Variants in ATPAF1 observed in about 807,000 individuals in gnomAD.
ATPAF1 encodes the protein homolog of yeast ATP11.
In ATPAF1, 26 loss-of-function variants were observed where a neutral mutation model predicts 43.9. That is an observed-to-expected ratio of 0.59 (90% CI 0.43 to 0.82). The LOEUF (loss-of-function observed/expected upper bound fraction) is 0.82. Among genes scored for constraint, ATPAF1 ranks in the 40% least tolerant of loss-of-function variants. The pLI, the probability that ATPAF1 is intolerant of heterozygous loss-of-function variation, is 0.00. For synonymous variants in ATPAF1, 157 were observed against 168.0 expected (o/e 0.93, Z 0.50); for missense variants, 366 against 435.0 (o/e 0.84, Z 1.41).
chr1:46,641,375 G>T (rs1230660898), intron 8 of ATPAF1, among the ~76,000 whole-genome samples: 1 of 151,912 alleles, frequency 6.6e-6, no homozygotes, highest in East Asian at 1.9e-4. Context: ...CACTGTCCCA[G>T]CCTCAACTGG....
intron 1 of ATPAF1, chr1:46,665,647 A>G (rs597221): frequency 3.9e-6 from 6 of 1,533,994 alleles, no homozygotes; most frequent in Non-Finnish European, 5.2e-6. Context: ...AGGTACTTAC[A>G]TTCAGGGTAC....
chr1:46,643,380 G>T, intron 7 of ATPAF1, 79 bp from the exon 8 acceptor site: 3 of 1,182,598 alleles, frequency 2.5e-6, no homozygotes, highest in Non-Finnish European at 3.6e-6. Context: ...AGACAGTCTA[G>T]AGGAAATTCT....
At chr1:46,665,126 G>T in intron 2 of ATPAF1, 130 bp downstream of exon 2, 1 of 786,686 alleles carries the variant, frequency 1.3e-6, no homozygotes, top group East Asian at 2.5e-5. Context: ...GGATGGAAAT[G>T]GAGTTGGGAG....
At chr1:46,632,791 A>T (rs1557922310), downstream of ATPAF1, 1 of 152,752 alleles carries the variant, frequency 6.5e-6, no homozygotes, top group South Asian at 2.1e-4. Flanking sequence ...AGTATCTTCT[A>T]TGGTCCAGGC....
chr1:46,650,643 T>C lies in ATPAF1; in HGVS notation c.588+1938A>G, dbSNP rs140415315. Among the ~76,000 whole-genome samples, 999 of 152,112 alleles carry C rather than the reference T, an allele frequency of 6.6e-3. 11 individuals carry two copies. Among genetic ancestry groups the C allele is most frequent in the African/African-American group, 0.023 (953 of 41,486 alleles). ...ACCTAAGTGTCCATCAACAAATGAA[T>C]GGATAAAGAAAATGTGGTATCTATA... is the stretch of plus-strand genomic sequence containing the variant. On this transcript the variant is annotated intron_variant, in intron 6 of 8. Coordinates refer to ENST00000574428, the Ensembl canonical transcript of ATPAF1.
intron 8 of ATPAF1, among the ~76,000 whole-genome samples, chr1:46,641,042 C>T (rs752734684): frequency 4.6e-4 from 70 of 152,232 alleles, no homozygotes; most frequent in Non-Finnish European, 8.5e-4. Context: ...GTATCATCAA[C>T]ATTTCCCTCT....
chr1:46,646,911 C>T (rs1466466372), intron 6 of ATPAF1, among the ~76,000 whole-genome samples: 2 of 152,124 alleles, frequency 1.3e-5, no homozygotes, highest in Non-Finnish European at 1.5e-5. Context: ...GGTTAGTGTG[C>T]CTTTGTAGAA....
intron 6 of ATPAF1, among the ~76,000 whole-genome samples, chr1:46,646,973 C>T (rs535583662): frequency 6.6e-6 from 1 of 152,310 alleles, no homozygotes; most frequent in South Asian, 2.1e-4. Context: ...TGGTTACTTT[C>T]AGTCAGCATA....
rs573630319 is a variant in ATPAF1, at chr1:46,657,803, A to G, written c.489+324T>C. Among the ~76,000 whole-genome samples the G allele has an allele frequency of 3.1e-4, 47 of 152,228 alleles. No individual in the cohort carries two copies. In the East Asian group the frequency reaches 8.3e-3, roughly 27 times the overall value. On this transcript the variant is annotated intron_variant, in intron 4 of 8. Coordinates refer to ENST00000574428, the Ensembl canonical transcript of ATPAF1. Reference sequence around the variant, plus strand: ...AGAGGACTCAGTTGATGAGAATATTATGGGTGGAGTGGAAAAAAAAGGAGA... The same window carrying G: ...AGAGGACTCAGTTGATGAGAATATTGTGGGTGGAGTGGAAAAAAAAGGAGA...
At position 46,661,370 on chromosome 1, in the gene ATPAF1, C is replaced by T. The variant is rs145218743; in HGVS notation, c.376-2633G>A. ...GGATTACATGTGTGAGCCACTGCAC[C>T]CGGTGGTTTTAGAGTTTTTATAATT... is the stretch of plus-strand genomic sequence containing the variant. On this transcript the variant is annotated intron_variant, in intron 2 of 8. Coordinates refer to ENST00000574428, the Ensembl canonical transcript of ATPAF1. Among the ~76,000 whole-genome samples the T allele has an allele frequency of 3.8e-3, 571 of 152,204 alleles. 1 individual carries two copies. The highest frequency in any genetic ancestry group is 5.2e-3 in the Non-Finnish European group (356 of 67,992).
At chr1:46,656,036 T>A (rs1676265724) in intron 4 of ATPAF1, among the ~76,000 whole-genome samples, 1 of 152,212 alleles carries the variant, frequency 6.6e-6, no homozygotes, top group South Asian at 2.1e-4. Context: ...GCTGGTTGAA[T>A]GATAGATGAT....
intron 8 of ATPAF1, among the ~76,000 whole-genome samples, chr1:46,639,563 T>C (rs570487505): frequency 4.6e-5 from 7 of 152,346 alleles, no homozygotes; most frequent in East Asian, 1.9e-4. Context: ...GTTTTTAGCA[T>C]TAAAGTTAGT....
At chr1:46,656,239 C>G (rs1676271381) in intron 4 of ATPAF1, among the ~76,000 whole-genome samples, 1 of 152,118 alleles carries the variant, frequency 6.6e-6, no homozygotes, top group African/African-American at 2.4e-5. Context: ...CAGAGAATGA[C>G]AACACTAACA....
At chr1:46,644,693 ATT>A (rs2148817114) in intron 7 of ATPAF1, among the ~76,000 whole-genome samples, 1 of 150,678 alleles carries the variant, frequency 6.6e-6, no homozygotes, top group East Asian at 2.0e-4. Context: ...AAAAGTTAAT[ATT>A]GTTTTATTGG....
chr1:46,663,718 G>C, intron 2 of ATPAF1: 1 of 385,790 alleles, frequency 2.6e-6, no homozygotes, highest in Non-Finnish European at 3.9e-6. Flanking sequence ...AGACTCAGCA[G>C]ATTCACTTAA....
upstream of ATPAF1, chr1:46,668,392 C>T (rs1676533483): frequency 8.3e-7 from 1 of 1,201,036 alleles, no homozygotes; most frequent in Non-Finnish European, 1.0e-6. This position sits in a 1 kb window ranked among gnomAD's most constrained non-coding sequence, Gnocchi z 4.4. Context: ...CCCGCTCCAT[C>T]CCGCTCCGAG....
chr1:46,655,059 G>T (rs1442739425), intron 4 of ATPAF1, among the ~76,000 whole-genome samples: 1 of 152,078 alleles, frequency 6.6e-6, no homozygotes. Flanking sequence ...CATGGTGACA[G>T]GAAGAAGAAT....
intron 8 of ATPAF1, 38 bp from the exon 9 acceptor site, chr1:46,636,008 C>T (rs376102333): frequency 8.1e-6 from 13 of 1,602,794 alleles, no homozygotes; most frequent in Non-Finnish European, 1.1e-5. Context: ...CTTTCTTGCA[C>T]AGGGCCACAA....
chr1:46,664,327 G>A (rs1373523864), intron 2 of ATPAF1, among the ~76,000 whole-genome samples: 1 of 152,172 alleles, frequency 6.6e-6, no homozygotes, highest in African/African-American at 2.4e-5. Flanking sequence ...AGTAGGTACT[G>A]TTATTATTCC....
Sources: gnomAD v4.1 joint callset for allele counts (sites outside exome capture counted in the v4.1 genomes callset) on GRCh38, gnomAD v4.1.1 for gene constraint, Gnocchi (gnomAD v3.1) non-coding constraint, MANE v1.5 for transcripts, NCBI Gene and HGNC (gene_info 2026-07-23, HGNC 2026-07-21) for gene names.